Variants in EPHA6 observed in about 807,000 individuals in gnomAD.
EPHA6 encodes ephrin type-A receptor 6.
EPHA6 carries 50 observed loss-of-function variants against 112.0 expected under a neutral mutation model. That is an observed-to-expected ratio of 0.45 (90% confidence interval 0.36 to 0.56). The LOEUF (loss-of-function observed/expected upper bound fraction) is 0.56. EPHA6 is among the 20% of genes least tolerant of loss of function. The probability of loss-of-function intolerance (pLI) is 0.00; values close to 1 mark genes in which losing one functional copy is unlikely to be tolerated. For synonymous variants in EPHA6, 529 were observed against 490.7 expected (o/e 1.08, Z -1.03); for missense variants, 1,280 against 1,417.4 (o/e 0.90, Z 1.56).
intron 3 of EPHA6, among the ~76,000 whole-genome samples, chr3:97,137,286 G>C (rs1390170318): frequency 2.6e-5 from 4 of 152,052 alleles, no homozygotes; most frequent in African/African-American, 9.7e-5. Context: ...GGACCTTAGA[G>C]TCTGCCAATT....
chr3:97,189,792 CTG>C (rs1190048387), intron 3 of EPHA6, among the ~76,000 whole-genome samples: 6 of 152,186 alleles, frequency 3.9e-5, no homozygotes, highest in African/African-American at 1.4e-4. Flanking sequence ...AGTTCAGAAA[CTG>C]TATCTTCTAC....
At chr3:97,648,835 A>T (rs1039753776) in intron 14 of EPHA6, among the ~76,000 whole-genome samples, 1 of 152,176 alleles carries the variant, frequency 6.6e-6, no homozygotes, top group Non-Finnish European at 1.5e-5. Flanking sequence ...AACTTTATCC[A>T]TTGAAATTCT....
At chr3:97,390,400 G>A (rs1377982381) in intron 5 of EPHA6, among the ~76,000 whole-genome samples, 1 of 151,276 alleles carries the variant, frequency 6.6e-6, no homozygotes, top group African/African-American at 2.4e-5. Context: ...TGTGACTTCT[G>A]GAATATATAT....
intron 14 of EPHA6, among the ~76,000 whole-genome samples, chr3:97,652,951 CATAA>C (rs1346997683): frequency 1.3e-5 from 2 of 151,832 alleles, no homozygotes; most frequent in African/African-American, 2.4e-5. Context: ...TAATAGATAA[CATAA>C]ATAGAGAAAT....
At chr3:97,138,596 GT>G (rs1192505876) in intron 3 of EPHA6, among the ~76,000 whole-genome samples, 1 of 152,174 alleles carries the variant, frequency 6.6e-6, no homozygotes, top group Admixed American at 6.5e-5. Flanking sequence ...CAAAGCTTAA[GT>G]CCACCAAGCC....
chr3:97,384,781 G>A (rs983221048), intron 5 of EPHA6, among the ~76,000 whole-genome samples: 1 of 151,898 alleles, frequency 6.6e-6, no homozygotes, highest in South Asian at 2.1e-4. Context: ...AATTTTGCTT[G>A]ACTCAGCATT....
intron 16 of EPHA6, 131 bp downstream of exon 16, chr3:97,736,249 TA>T (rs1021321744): frequency 2.7e-5 from 15 of 562,496 alleles, no homozygotes; most frequent in Non-Finnish European, 4.1e-5. Flanking sequence ...GTGGAAACCA[TA>T]TTTCATTTAT....
chr3:97,099,150 A>G (rs1288098925), intron 3 of EPHA6, among the ~76,000 whole-genome samples: 3 of 151,964 alleles, frequency 2.0e-5, no homozygotes, highest in Admixed American at 6.6e-5. Context: ...GCTGAAAGTC[A>G]ACATGTATAT....
intron 3 of EPHA6, among the ~76,000 whole-genome samples, chr3:97,183,346 A>G (rs2077041455): frequency 6.6e-6 from 1 of 152,164 alleles, no homozygotes. Flanking sequence ...ATAAATACAA[A>G]TTAAAATGAT....
intron 1 of EPHA6, among the ~76,000 whole-genome samples, chr3:96,853,606 G>A (rs1222337990): frequency 6.6e-6 from 1 of 151,440 alleles, no homozygotes; most frequent in Non-Finnish European, 1.5e-5. Context: ...TTATATGTAG[G>A]TATATATACA....
At position 97,381,696 on chromosome 3, in the gene EPHA6, T is replaced by C. The variant is rs563420916; in HGVS notation, c.1607-23454T>C. On this transcript the variant is annotated intron_variant, in intron 5 of 17. Transcript: ENST00000389672. The stretch of plus-strand genomic sequence containing the variant: ...CTAGCAGGTTTAGAGGTTTTGCTAA[T>C]GTGTACATCATATACAAATGCAACA... 5.9e-5 allele frequency among the ~76,000 whole-genome samples: 9 copies of C among 152,268 alleles called. No individual in the cohort carries two copies. The East Asian group carries it at 1.2e-3, about 20-fold the overall frequency.
At chr3:96,832,317 C>T (rs993219674) in intron 1 of EPHA6, among the ~76,000 whole-genome samples, 12 of 151,842 alleles carry the variant, frequency 7.9e-5, no homozygotes, top group African/African-American at 2.4e-5. Context: ...CTACTACCAT[C>T]GATAGAATAT....
chr3:97,398,915 A>G (rs1204917039), intron 5 of EPHA6, among the ~76,000 whole-genome samples: 1 of 151,530 alleles, frequency 6.6e-6, no homozygotes, highest in Non-Finnish European at 1.5e-5. Context: ...AATCAAGGTA[A>G]TTAACATATA....
chr3:97,127,338 A>G (rs2048210700), intron 3 of EPHA6, among the ~76,000 whole-genome samples: 1 of 152,156 alleles, frequency 6.6e-6, no homozygotes, highest in African/African-American at 2.4e-5. Context: ...CACCTCTCAA[A>G]TGAAGCTCTT....
chr3:97,433,197 C>CTAT (rs2089622524), intron 6 of EPHA6, among the ~76,000 whole-genome samples: 2 of 152,076 alleles, frequency 1.3e-5, no homozygotes, highest in Non-Finnish European at 2.9e-5. Context: ...TAGATGAGCA[C>CTAT]AGGTATGTAA....
chr3:97,296,216 A>G (rs568072888), intron 5 of EPHA6, among the ~76,000 whole-genome samples: 1 of 152,240 alleles, frequency 6.6e-6, no homozygotes, highest in Non-Finnish European at 1.5e-5. Flanking sequence ...ATATTCTACT[A>G]GATGATGGCT....
chr3:96,943,428 C>G (rs1299068836), intron 2 of EPHA6, among the ~76,000 whole-genome samples: 1 of 151,944 alleles, frequency 6.6e-6, no homozygotes, highest in Admixed American at 6.6e-5. Flanking sequence ...TAAAAACAAA[C>G]AAAAACACAA....
intron 1 of EPHA6, among the ~76,000 whole-genome samples, chr3:96,845,860 C>G (rs2035044687): frequency 6.6e-6 from 1 of 151,824 alleles, no homozygotes; most frequent in Non-Finnish European, 1.5e-5. Flanking sequence ...GAATGGTTAG[C>G]TAATCTTGTC....
At chr3:97,638,883 T>C (rs1484924494) in intron 14 of EPHA6, among the ~76,000 whole-genome samples, 1 of 152,182 alleles carries the variant, frequency 6.6e-6, no homozygotes, top group African/African-American at 2.4e-5. Flanking sequence ...TTAAAGCTAC[T>C]CAAAAGATTT....
Sources: allele counts gnomAD v4.1 joint callset (sites outside exome capture counted in the v4.1 genomes callset), GRCh38; gene constraint gnomAD v4.1.1; transcripts MANE v1.5; gene names NCBI Gene and HGNC (gene_info 2026-07-23, HGNC 2026-07-21).